NRXN1: variants seen among roughly 807,000 people sequenced by gnomAD.
NRXN1 encodes neurexin-1.
A neutral mutation model predicts 150.9 loss-of-function variants in NRXN1; 39 were observed. That is an observed-to-expected ratio of 0.26 (90% CI 0.20 to 0.34). The LOEUF (loss-of-function observed/expected upper bound fraction) is 0.34. Among genes scored for constraint, NRXN1 ranks in the 10% least tolerant of loss-of-function variants. The pLI, the probability that NRXN1 is intolerant of heterozygous loss-of-function variation, is 1.00. For synonymous variants in NRXN1, 924 were observed against 757.0 expected, an observed-to-expected ratio of 1.22 and a Z score of -3.62; for missense variants, 1,815 against 1,949.9, an observed-to-expected ratio of 0.93 and a Z score of 1.30.
At chr2:50,578,868 A>T (rs1483329047) in intron 8 of NRXN1, among the ~76,000 whole-genome samples, 1 of 152,118 alleles carries the variant, frequency 6.6e-6, no homozygotes, top group Non-Finnish European at 1.5e-5. Context: ...CTGGAAAGGC[A>T]TTGATGAGAA....
chr2:50,941,619 T>G (rs1048749620), intron 2 of NRXN1, among the ~76,000 whole-genome samples: 18 of 152,170 alleles, frequency 1.2e-4, no homozygotes, highest in Non-Finnish European at 2.2e-4. Flanking sequence ...ACTTTGAATT[T>G]AAAAGAGATG....
At chr2:50,144,635 T>C (rs1707748059) in intron 18 of NRXN1, among the ~76,000 whole-genome samples, 1 of 151,862 alleles carries the variant, frequency 6.6e-6, no homozygotes, top group South Asian at 2.1e-4. Flanking sequence ...AATAATTATA[T>C]ATGTATATAT....
chr2:50,891,257 T>G (rs1244739663), intron 5 of NRXN1, among the ~76,000 whole-genome samples: 1 of 151,978 alleles, frequency 6.6e-6, no homozygotes, highest in Non-Finnish European at 1.5e-5. Flanking sequence ...TCTCCAAAAT[T>G]GCTGCTGCAG....
intron 2 of NRXN1, among the ~76,000 whole-genome samples, chr2:51,018,302 A>C (rs1669057440): frequency 6.6e-6 from 1 of 152,098 alleles, no homozygotes; most frequent in Non-Finnish European, 1.5e-5. Context: ...CAACCTAAGA[A>C]AGCACTATTT....
intron 21 of NRXN1, among the ~76,000 whole-genome samples, chr2:50,012,069 T>C (rs1362998419): frequency 6.6e-6 from 1 of 152,096 alleles, no homozygotes; most frequent in Non-Finnish European, 1.5e-5. Flanking sequence ...CATTTTTCTA[T>C]CTTAAAAGTA....
At chr2:50,378,086 G>T (rs969482870) in intron 17 of NRXN1, among the ~76,000 whole-genome samples, 1 of 152,152 alleles carries the variant, frequency 6.6e-6, no homozygotes, top group Non-Finnish European at 1.5e-5. Flanking sequence ...AAGAAGAAGA[G>T]AATCACATTC....
intron 5 of NRXN1, among the ~76,000 whole-genome samples, chr2:50,797,310 G>T (rs1457413602): frequency 2.0e-5 from 3 of 152,080 alleles, no homozygotes; most frequent in Non-Finnish European, 4.4e-5. Context: ...CCAATATCCA[G>T]GTGTAGACAG....
intron 13 of NRXN1, among the ~76,000 whole-genome samples, chr2:50,502,455 C>CAT (rs2091997058): frequency 1.3e-5 from 2 of 151,720 alleles, no homozygotes; most frequent in Admixed American, 1.3e-4. Context: ...CACACACACA[C>CAT]GCATACCCAC....
intron 17 of NRXN1, among the ~76,000 whole-genome samples, chr2:50,458,144 C>T (rs1251891176): frequency 6.6e-6 from 1 of 152,002 alleles, no homozygotes; most frequent in East Asian, 1.9e-4. Context: ...ACGAGTTGAA[C>T]TGGAGGTCAT....
intron 21 of NRXN1, among the ~76,000 whole-genome samples, chr2:49,963,221 T>C (rs926697303): frequency 2.0e-5 from 3 of 152,170 alleles, no homozygotes; most frequent in African/African-American, 7.2e-5. Context: ...ATTCGGTGAA[T>C]TTTCCTGACT....
chr2:50,648,350 G>C (rs533926010), intron 5 of NRXN1, among the ~76,000 whole-genome samples: 1 of 152,118 alleles, frequency 6.6e-6, no homozygotes, highest in East Asian at 1.9e-4. Context: ...AAATCCCTTA[G>C]TAGTTCTATT....
intron 21 of NRXN1, among the ~76,000 whole-genome samples, chr2:50,050,574 A>G (rs1405110457): frequency 6.6e-6 from 1 of 152,070 alleles, no homozygotes; most frequent in Non-Finnish European, 1.5e-5. Context: ...CACTATAGAC[A>G]ACATTTAAAG....
At chr2:50,730,669 TTTC>T (rs1268872388) in intron 5 of NRXN1, among the ~76,000 whole-genome samples, 1 of 94,196 alleles carries the variant, frequency 1.1e-5, no homozygotes, top group Non-Finnish European at 2.1e-5. Context: ...TCTTTCTTGT[TTTC>T]TTTTTTTTTT....
rs889261887 is a variant in NRXN1 at position 50,555,187 on chromosome 2, A to G, written c.1321-2162T>C. Among the ~76,000 whole-genome samples the G allele has an allele frequency of 2.6e-5, 4 of 152,170 alleles. No homozygotes were observed. In the South Asian group the frequency reaches 6.2e-4, roughly 24 times the overall value. ...CTTTTGACATAGATATTGATCAAGA[A>G]TAAGTATTTTCAGACCCAAATGATG... is the stretch of plus-strand genomic sequence containing the variant. On this transcript the variant is annotated intron_variant, in intron 8 of 22. Transcript: ENST00000401669.
At chr2:50,486,302 T>A (rs1317611107) in intron 15 of NRXN1, among the ~76,000 whole-genome samples, 1 of 152,176 alleles carries the variant, frequency 6.6e-6, no homozygotes, top group Non-Finnish European at 1.5e-5. Context: ...ATTTATTATA[T>A]CTTTGAACAG....
intron 17 of NRXN1, among the ~76,000 whole-genome samples, chr2:50,456,973 A>G (rs2087630660): frequency 6.6e-6 from 1 of 152,166 alleles, no homozygotes; most frequent in Non-Finnish European, 1.5e-5. Context: ...ATTTCCCACT[A>G]TACAGATTGT....
At chr2:50,147,802 C>T (rs1429838285) in intron 18 of NRXN1, among the ~76,000 whole-genome samples, 1 of 151,804 alleles carries the variant, frequency 6.6e-6, no homozygotes, top group East Asian at 1.9e-4. Context: ...AAAGCAAATA[C>T]AAAACAGTTA....
intron 18 of NRXN1, among the ~76,000 whole-genome samples, chr2:50,115,447 T>C (rs1261340157): frequency 4.0e-5 from 6 of 151,836 alleles, no homozygotes; most frequent in Non-Finnish European, 7.4e-5. Flanking sequence ...GTATATGTAC[T>C]TTCTCATTTA....
chr2:50,097,010 G>T (rs1403504719), intron 18 of NRXN1, among the ~76,000 whole-genome samples: 3 of 152,164 alleles, frequency 2.0e-5, no homozygotes, highest in African/African-American at 7.2e-5. Context: ...CTATGAAATG[G>T]ATAAAGCAGA....
Sources: gnomAD v4.1 joint callset for allele counts (sites outside exome capture counted in the v4.1 genomes callset) on GRCh38, gnomAD v4.1.1 for gene constraint, MANE v1.5 for transcripts, NCBI Gene and HGNC (gene_info 2026-07-23, HGNC 2026-07-21) for gene names.